Variants in CEP135 observed in about 807,000 individuals in gnomAD.
CEP135 encodes the protein centrosomal protein 135.
A neutral mutation model predicts 157.3 loss-of-function variants in CEP135; 142 were observed. That is an observed-to-expected ratio of 0.90 (90% confidence interval 0.79 to 1.04). The LOEUF (loss-of-function observed/expected upper bound fraction) is 1.04, where lower values mean the gene tolerates loss of function less well. CEP135 is among the 50% of genes least tolerant of loss of function. CEP135 has a pLI of 0.00. For synonymous variants in CEP135, 396 were observed against 439.8 expected (o/e 0.90, Z 1.25); for missense variants, 1,317 against 1,309.2 (o/e 1.01, Z -0.09).
rs972469592 is a variant in CEP135 at position 55,991,088 on chromosome 4, G to C, written c.1858-846G>C. ...CCACCAGGGTTCAAGCGATTCTCCTGCCTCGGCCTCCCAAGTAGCTAGGAC... is the reference window on the plus strand; with the variant it reads ...CCACCAGGGTTCAAGCGATTCTCCTCCCTCGGCCTCCCAAGTAGCTAGGAC... On this transcript the variant is annotated intron_variant, in intron 14 of 25. Transcript: ENST00000257287. Among the ~76,000 whole-genome samples, 3 of 151,646 alleles carry C rather than the reference G, an allele frequency of 2.0e-5. No individual in the cohort carries two copies. In the East Asian group the frequency reaches 5.8e-4, roughly 29 times the overall value.
chr4:55,960,322 C>T (rs1728637566), intron 6 of CEP135: 1 of 152,866 alleles, frequency 6.5e-6, no homozygotes, highest in Admixed American at 6.5e-5. Flanking sequence ...TCTCTATAAG[C>T]ACAAGTCCTC....
chr4:55,991,113 C>A (rs1039486409), intron 14 of CEP135, among the ~76,000 whole-genome samples: 1 of 152,044 alleles, frequency 6.6e-6, no homozygotes, highest in Admixed American at 6.6e-5. Flanking sequence ...GTAGCTAGGA[C>A]TACAGGCATG....
chr4:55,952,415 T>C, intron 2 of CEP135, 172 bp downstream of exon 2: 1 of 542,674 alleles, frequency 1.8e-6, no homozygotes, highest in South Asian at 2.7e-5. Flanking sequence ...ACGGCAGAAC[T>C]CTAAAGGCCA....
intron 1 of CEP135, among the ~76,000 whole-genome samples, chr4:55,950,759 CT>C (rs148350973): frequency 6.6e-5 from 10 of 150,404 alleles, no homozygotes; most frequent in African/African-American, 1.5e-4. Flanking sequence ...TTATGTGTGT[CT>C]TTTTTTTTAA....
At chr4:55,971,925 C>T (rs531168013) in intron 10 of CEP135, among the ~76,000 whole-genome samples, 1 of 151,996 alleles carries the variant, frequency 6.6e-6, no homozygotes, top group African/African-American at 2.4e-5. Context: ...CTGAAACAGG[C>T]GGATCATCTG....
In CEP135 at chr4:55,971,203, C is replaced by T. The variant is rs1729014658; in HGVS notation, c.1111-67C>T. On this transcript the variant is annotated intron_variant, in intron 9 of 25. Coordinates refer to ENST00000257287, the MANE Select transcript of CEP135 (RefSeq NM_025009.5). Reference sequence around the variant, plus strand: ...GTTATATAAATGTGCTTATAAAAATCTATCTTAAGTGCGATAATATTTTAT... The same window carrying T: ...GTTATATAAATGTGCTTATAAAAATTTATCTTAAGTGCGATAATATTTTAT... 9.7e-6 allele frequency: 12 copies of T among 1,233,004 alleles called. No homozygotes were observed. In the South Asian group the frequency reaches 1.6e-4, roughly 17 times the overall value. 76.4% of individuals were successfully genotyped at this position (1,233,004 alleles called of 1,614,324 possible).
intron 13 of CEP135, among the ~76,000 whole-genome samples, chr4:55,984,430 G>A (rs1379177012): frequency 6.6e-6 from 1 of 152,126 alleles, no homozygotes; most frequent in Non-Finnish European, 1.5e-5. Context: ...CCTTTTCCTA[G>A]CAGAATATTC....
chr4:55,998,872 CA>C (rs1390810129), intron 15 of CEP135, among the ~76,000 whole-genome samples: 1 of 151,438 alleles, frequency 6.6e-6, no homozygotes, highest in African/African-American at 2.4e-5. Flanking sequence ...CTCAAACAAA[CA>C]AAAAAAAGAG....
chr4:55,990,980 CT>C (rs35404437), intron 14 of CEP135, among the ~76,000 whole-genome samples: 12,675 of 146,862 alleles, frequency 0.086, 829 homozygotes, highest in African/African-American at 0.19. Flanking sequence ...ATTATAATAA[CT>C]TTTTTTTTTT....
rs370540159 is a variant in CEP135 at position 56,017,686 on chromosome 4, A to G, written c.2841A>G (p.Ser947=). 1 of 1,613,448 alleles carries G rather than the reference A, an allele frequency of 6.2e-7. No homozygotes were observed. The highest frequency in any genetic ancestry group is 8.5e-7 in the Non-Finnish European group (1 of 1,179,772). Residue 947 remains serine (S), a synonymous_variant, in exon 22 of 26, where the codon TCA becomes TCG. Coordinates refer to ENST00000257287, the MANE Select transcript of CEP135 (RefSeq NM_025009.5). ...NAHHAYESQI[S]SMAKAMSRLE... ...ATCATGCTTATGAATCTCAGATCTC[A>G]TCAATGGCAAAAGCCATGTCTCGAT...
intron 9 of CEP135, 32 bp downstream of exon 9, chr4:55,969,160 T>A: frequency 6.3e-7 from 1 of 1,598,160 alleles, no homozygotes; most frequent in Non-Finnish European, 8.6e-7. Context: ...TTGCCAGCAT[T>A]TTCAGTAAGA....
rs144205440 is a variant in CEP135, at chr4:55,963,195, T to A, written c.700-1079T>A. Among the ~76,000 whole-genome samples the A allele has an allele frequency of 1.8e-4, 28 of 152,358 alleles. No individual in the cohort carries two copies. The East Asian group carries it at 3.5e-3, about 19-fold the overall frequency. ...TCTGTTCTATCCTCTACCACTGTTT[T>A]ATTTTAGTTATTAATTGTTTCTTAT... is the stretch of plus-strand genomic sequence containing the variant. On this transcript the variant is annotated intron_variant, in intron 6 of 25. Transcript: ENST00000257287.
At chr4:55,985,436 T>C (rs992818363) in intron 14 of CEP135, 78 bp downstream of exon 14, 1 of 511,202 alleles carries the variant, frequency 2.0e-6, no homozygotes, top group Non-Finnish European at 3.3e-6. Context: ...TACACTATTT[T>C]TTAATTTTAA....
At chr4:55,951,915 C>T (rs532073878) in intron 1 of CEP135, among the ~76,000 whole-genome samples, 171 bp from the exon 2 acceptor site, 1 of 152,236 alleles carries the variant, frequency 6.6e-6, no homozygotes, top group South Asian at 2.1e-4. Flanking sequence ...TATTTTAATG[C>T]AGTAACAGGA....
intron 14 of CEP135, among the ~76,000 whole-genome samples, chr4:55,987,091 G>A (rs1729613910): frequency 6.6e-6 from 1 of 152,172 alleles, no homozygotes. Context: ...GTTAAGCTTT[G>A]TTAGGTGGGA....
At chr4:56,017,968 C>T in intron 22 of CEP135, 111 bp downstream of exon 22, 6 of 843,114 alleles carry the variant, frequency 7.1e-6, no homozygotes, top group Non-Finnish European at 8.5e-6. Flanking sequence ...AGAGTAGTTA[C>T]TTTTTTTTTT....
At chr4:55,989,227 C>T (rs1729706799) in intron 14 of CEP135, among the ~76,000 whole-genome samples, 1 of 152,132 alleles carries the variant, frequency 6.6e-6, no homozygotes, top group Admixed American at 6.5e-5. Flanking sequence ...GATATTACTA[C>T]ATTTTTTAAA....
At chr4:55,976,983 T>G (rs2702328) in intron 11 of CEP135, among the ~76,000 whole-genome samples, 59,147 of 151,586 alleles carry the variant, frequency 0.39, 11,584 homozygotes, top group Admixed American at 0.46. Flanking sequence ...CTTTTTTTTT[T>G]TTTGTTTTTT....
rs559020742 is a variant in CEP135, at chr4:55,965,501, A to G, written c.829-143A>G. ...CACATGGTCAGTTTTGTAAATAACA[A>G]TATAAATTTGCAAATATAAAATAGC... On this transcript the variant is annotated intron_variant, in intron 7 of 25. Transcript: ENST00000257287. 37 of 601,686 alleles carry G rather than the reference A, an allele frequency of 6.1e-5. No homozygotes were observed. The South Asian group carries it at 7.0e-4, about 11-fold the overall frequency. 37.3% of individuals were successfully genotyped at this position (601,686 alleles called of 1,614,324 possible).
Sources: gnomAD v4.1 joint callset for allele counts (sites outside exome capture counted in the v4.1 genomes callset) on GRCh38, gnomAD v4.1.1 for gene constraint, MANE v1.5 for transcripts, NCBI Gene and HGNC (gene_info 2026-07-23, HGNC 2026-07-21) for gene names.